The following FGF2 variants were observed in gnomAD, a reference collection of about 807,000 sequenced individuals.
The protein encoded by FGF2 is fibroblast growth factor 2.
FGF2 carries 13 observed loss-of-function variants against 15.9 expected under a neutral mutation model. The ratio of observed to expected loss-of-function variants is 0.82; its 90% confidence interval spans 0.53 to 1.30. The LOEUF (loss-of-function observed/expected upper bound fraction) is 1.30, where lower values mean the gene tolerates loss of function less well. Among genes scored for constraint, FGF2 ranks in the 50% most tolerant of loss-of-function variants. The probability of loss-of-function intolerance (pLI) is 0.00; values close to 1 mark genes in which losing one functional copy is unlikely to be tolerated. For missense variants in FGF2, 163 were observed against 196.9 expected, an observed-to-expected ratio of 0.83 and a Z score of 1.03; for synonymous variants, 90 against 78.4, an observed-to-expected ratio of 1.15 and a Z score of -0.78.
chr4:122,838,340 A>T (rs1363768419), intron 1 of FGF2, among the ~76,000 whole-genome samples: 1 of 152,212 alleles, frequency 6.6e-6, no homozygotes, highest in Non-Finnish European at 1.5e-5. Context: ...TAGGACCCTG[A>T]TATTTACCAA....
intron 1 of FGF2, among the ~76,000 whole-genome samples, chr4:122,853,009 A>G (rs1222528477): frequency 1.3e-5 from 2 of 152,108 alleles, no homozygotes; most frequent in South Asian, 2.1e-4. Flanking sequence ...TTATATAACT[A>G]TTTTCTGGCT....
At chr4:122,845,249 C>T (rs1726086396) in intron 1 of FGF2, among the ~76,000 whole-genome samples, 1 of 152,150 alleles carries the variant, frequency 6.6e-6, no homozygotes, top group South Asian at 2.1e-4. Flanking sequence ...AACAGATGTG[C>T]TGTCATCCAG....
chr4:122,878,576 A>C (rs1443298607), intron 2 of FGF2, among the ~76,000 whole-genome samples: 1 of 152,188 alleles, frequency 6.6e-6, no homozygotes, highest in Non-Finnish European at 1.5e-5. Context: ...GACTATAAGC[A>C]GTGGAGAGCC....
intron 1 of FGF2, among the ~76,000 whole-genome samples, chr4:122,864,720 A>G (rs1726536588): frequency 6.6e-6 from 1 of 152,132 alleles, no homozygotes; most frequent in Admixed American, 6.5e-5. Flanking sequence ...GATTGCTTTA[A>G]AGTTTTAACA....
intron 1 of FGF2, among the ~76,000 whole-genome samples, chr4:122,871,465 T>A (rs45447303): frequency 0.022 from 3,289 of 151,926 alleles, 59 homozygotes; most frequent in Non-Finnish European, 0.035. Flanking sequence ...TCTTTGTAGG[T>A]CTCTAAGAGG....
Position 122,827,067 on chromosome 4 carries a change from C to T in FGF2, c.-108C>T. The T allele has an allele frequency of 4.5e-6, 5 of 1,113,520 alleles. No individual in the cohort carries two copies. Among genetic ancestry groups the T allele is most frequent in the Non-Finnish European group, 5.5e-6 (5 of 913,454 alleles). 69.0% of individuals were successfully genotyped at this position (1,113,520 alleles called of 1,614,324 possible). On this transcript the variant is annotated 5_prime_UTR_variant, in exon 1 of 3. Transcript: ENST00000644866. The surrounding 1 kb of genome is among the most constrained non-coding windows in gnomAD (Gnocchi z 4.2). ...GGGCGGGAGGCTGGGGGGCCGGGGC[C>T]GGGGCCGTGCCCCGGAGCGGGTCGG...
chr4:122,846,336 C>T (rs1314272971), intron 1 of FGF2, among the ~76,000 whole-genome samples: 1 of 152,138 alleles, frequency 6.6e-6, no homozygotes, highest in African/African-American at 2.4e-5. Flanking sequence ...TGAACACATG[C>T]TATTTGAAAA....
rs186613784 is a variant in FGF2 at position 122,894,941 on chromosome 4, C to G, written c.*2545C>G. The stretch of plus-strand genomic sequence containing the variant: ...AAAAGTTCGGCATGTAGCTCATGAT[C>G]TATGCTGTTTCTATGTCGTGGAAGC... On this transcript the variant is annotated 3_prime_UTR_variant, in exon 3 of 3. Transcript: ENST00000644866. 6.6e-5 allele frequency: 10 copies of G among 152,278 alleles called. No individual in the cohort carries two copies. The highest frequency in any genetic ancestry group is 1.9e-4 in the African/African-American group (8 of 41,548). 9.4% of individuals were successfully genotyped at this position (152,278 alleles called of 1,614,324 possible).
chr4:122,833,646 C>G (rs1485254746), intron 1 of FGF2, among the ~76,000 whole-genome samples: 3 of 152,092 alleles, frequency 2.0e-5, no homozygotes, highest in Non-Finnish European at 4.4e-5. Context: ...ACTTTTTACT[C>G]AGAGAGTGCT....
At chr4:122,846,308 T>C (rs1726107785) in intron 1 of FGF2, among the ~76,000 whole-genome samples, 1 of 152,206 alleles carries the variant, frequency 6.6e-6, no homozygotes, top group Non-Finnish European at 1.5e-5. Context: ...ATTACCCAAA[T>C]GTGAGACAGA....
intron 2 of FGF2, among the ~76,000 whole-genome samples, chr4:122,885,906 TTTTTTCC>T (rs1727046232): frequency 7.2e-6 from 1 of 138,666 alleles, no homozygotes; most frequent in Non-Finnish European, 1.5e-5. Context: ...GCTTGATTTT[TTTTTTCC>T]TTTTTTTTTT....
At chr4:122,860,176 C>G (rs1726430896) in intron 1 of FGF2, among the ~76,000 whole-genome samples, 1 of 152,058 alleles carries the variant, frequency 6.6e-6, no homozygotes, top group African/African-American at 2.4e-5. Context: ...TTAAAATTTT[C>G]TCCATAAAAG....
intron 1 of FGF2, among the ~76,000 whole-genome samples, chr4:122,875,632 C>A (rs541820796): frequency 1.3e-5 from 2 of 152,040 alleles, no homozygotes; most frequent in East Asian, 3.9e-4. Flanking sequence ...ATGGTGAAAC[C>A]GCGTCTCTAC....
At chr4:122,886,707 C>T (rs904745188) in intron 2 of FGF2, among the ~76,000 whole-genome samples, 3 of 152,210 alleles carry the variant, frequency 2.0e-5, no homozygotes, top group Admixed American at 6.5e-5. Flanking sequence ...GTGCCCTCCT[C>T]TTTGACATAC....
At chr4:122,858,312 A>C (rs1027226435) in intron 1 of FGF2, among the ~76,000 whole-genome samples, 4 of 152,092 alleles carry the variant, frequency 2.6e-5, no homozygotes, top group African/African-American at 7.2e-5. Context: ...AATTTATCTG[A>C]TTATTACCAT....
chr4:122,869,875 TGA>T (rs1726694120), intron 1 of FGF2, among the ~76,000 whole-genome samples: 1 of 152,208 alleles, frequency 6.6e-6, no homozygotes, highest in Admixed American at 6.5e-5. Flanking sequence ...AATACTATGT[TGA>T]GTAGGAGTGG....
chr4:122,840,310 T>G (rs561118695), intron 1 of FGF2: 2 of 152,290 alleles, frequency 1.3e-5, no homozygotes, highest in Non-Finnish European at 2.9e-5. Flanking sequence ...TCATGTTACT[T>G]CTCAGAAACT....
chr4:122,886,605 A>G (rs1727065034), intron 2 of FGF2, among the ~76,000 whole-genome samples: 1 of 152,206 alleles, frequency 6.6e-6, no homozygotes, highest in Non-Finnish European at 1.5e-5. Context: ...TATTTATTTT[A>G]TACTTTGAGT....
At chr4:122,882,341 A>G (rs1330600132) in intron 2 of FGF2, 1 of 152,252 alleles carries the variant, frequency 6.6e-6, no homozygotes, top group Non-Finnish European at 1.5e-5. Context: ...TATCTCTGAA[A>G]CTACTAGGGT....
Sources: gnomAD v4.1 joint callset for allele counts (sites outside exome capture counted in the v4.1 genomes callset) on GRCh38, gnomAD v4.1.1 for gene constraint, Gnocchi (gnomAD v3.1) non-coding constraint, MANE v1.5 for transcripts, NCBI Gene and HGNC (gene_info 2026-07-23, HGNC 2026-07-21) for gene names.